Variants in CSGALNACT1 observed in about 807,000 individuals in gnomAD.
CSGALNACT1 encodes the protein beta4GalNAcT-1.
CSGALNACT1 carries 52 observed loss-of-function variants against 51.0 expected under a neutral mutation model. The ratio of observed to expected loss-of-function variants is 1.02; its 90% confidence interval spans 0.82 to 1.29. CSGALNACT1 has a LOEUF of 1.29. Ranked by LOEUF, CSGALNACT1 falls within the 50% of genes most tolerant of loss-of-function variation. The pLI is 0.00. For missense variants in CSGALNACT1, 935 were observed against 679.2 expected (o/e 1.38, Z -4.19); for synonymous variants, 341 against 254.4 (o/e 1.34, Z -3.24).
At chr8:19,405,703 T>G in exon 10 of CSGALNACT1, 1 of 1,577,250 alleles carries the variant, frequency 6.3e-7, no homozygotes, top group East Asian at 2.2e-5. Context: ...TTTATGGAAG[T>G]CTTTTCTCTG....
At chr8:19,456,141 A>C (rs1229652438) in intron 5 of CSGALNACT1, among the ~76,000 whole-genome samples, 2 of 152,206 alleles carry the variant, frequency 1.3e-5, no homozygotes, top group Non-Finnish European at 2.9e-5. Flanking sequence ...TTCTCAATGA[A>C]ACTTCCCTTC....
At chr8:19,513,436 C>CTCTCTCTCTCTCTATATATATATA in intron 3 of CSGALNACT1, among the ~76,000 whole-genome samples, 39 of 81,924 alleles carry the variant, frequency 4.8e-4, no homozygotes, top group African/African-American at 5.8e-4. Context: ...CTCTCTCTCT[C>CTCTCTCTCTCTCTATATATATATA]TATATATATA....
chr8:19,647,416 C>CA (rs1015208930), intron 1 of CSGALNACT1, among the ~76,000 whole-genome samples: 1 of 152,052 alleles, frequency 6.6e-6, no homozygotes, highest in Non-Finnish European at 1.5e-5. Flanking sequence ...GATCCTCTCT[C>CA]AAAAAATATT....
intron 3 of CSGALNACT1, among the ~76,000 whole-genome samples, chr8:19,584,270 C>G (rs144355474): frequency 7.2e-5 from 11 of 152,166 alleles, no homozygotes; most frequent in Non-Finnish European, 1.6e-4. Flanking sequence ...GCTTAGAATC[C>G]TGTGGTCCCA....
intron 6 of CSGALNACT1, among the ~76,000 whole-genome samples, chr8:19,438,062 A>T (rs1192892757): frequency 6.6e-6 from 1 of 152,196 alleles, no homozygotes; most frequent in Non-Finnish European, 1.5e-5. Flanking sequence ...GGTTACGTGT[A>T]ACCGTCAGCA....
intron 3 of CSGALNACT1, among the ~76,000 whole-genome samples, chr8:19,542,245 T>C (rs1254391086): frequency 7.9e-6 from 1 of 126,414 alleles, no homozygotes; most frequent in Non-Finnish European, 1.6e-5. Context: ...ACAGGGTTAT[T>C]ATTCACTGAA....
chr8:19,404,840 T>C, exon 10 of CSGALNACT1: 1 of 454,530 alleles, frequency 2.2e-6, no homozygotes, highest in Non-Finnish European at 4.4e-6. Context: ...AAAGTGTCAT[T>C]TTCTTTTCCT....
chr8:19,558,873 A>AT (rs1196095955), intron 3 of CSGALNACT1, among the ~76,000 whole-genome samples: 3 of 152,146 alleles, frequency 2.0e-5, no homozygotes, highest in East Asian at 3.8e-4. Context: ...GCAAAGAGGT[A>AT]TTTTTTCCAT....
chr8:19,407,187 A>ATTT (rs34176912), intron 9 of CSGALNACT1, among the ~76,000 whole-genome samples: 6 of 150,522 alleles, frequency 4.0e-5, no homozygotes, highest in African/African-American at 7.3e-5. Flanking sequence ...TGACTTCAAC[A>ATTT]TTTTTTTTTT....
chr8:19,590,651 T>A (rs2047612391), intron 3 of CSGALNACT1, among the ~76,000 whole-genome samples: 1 of 137,274 alleles, frequency 7.3e-6, no homozygotes, highest in South Asian at 2.3e-4. Flanking sequence ...TTTTTTTTTT[T>A]TTTTTTTTTT....
At chr8:19,658,750 C>T (rs57802526) in intron 1 of CSGALNACT1, among the ~76,000 whole-genome samples, 3 of 151,780 alleles carry the variant, frequency 2.0e-5, no homozygotes, top group Non-Finnish European at 4.4e-5. Flanking sequence ...ACAACAACAA[C>T]AAAAAACACC....
At chr8:19,438,906 G>A (rs1586022757) in intron 6 of CSGALNACT1, among the ~76,000 whole-genome samples, 3 of 152,114 alleles carry the variant, frequency 2.0e-5, no homozygotes, top group East Asian at 1.9e-4. Context: ...CTTACCCTTC[G>A]ACTATCATCC....
chr8:19,748,890 G>A (rs975998098), intron 1 of CSGALNACT1, among the ~76,000 whole-genome samples: 13 of 151,792 alleles, frequency 8.6e-5, no homozygotes, highest in African/African-American at 1.9e-4. Context: ...GCTTGAACCC[G>A]GGAGGCAGAG....
At chr8:19,565,710 G>C (rs940800539) in intron 3 of CSGALNACT1, among the ~76,000 whole-genome samples, 1 of 152,338 alleles carries the variant, frequency 6.6e-6, no homozygotes, top group African/African-American at 2.4e-5. Context: ...TCTGAGGTCA[G>C]GTGTTCAAGA....
intron 1 of CSGALNACT1, among the ~76,000 whole-genome samples, chr8:19,746,449 G>T (rs1157105124): frequency 6.6e-6 from 1 of 152,152 alleles, no homozygotes; most frequent in Non-Finnish European, 1.5e-5. Flanking sequence ...TGAAAATAAG[G>T]AACCTGGGTT....
intron 4 of CSGALNACT1, chr8:19,495,279 T>C (rs2075253569): frequency 6.6e-6 from 1 of 152,204 alleles, no homozygotes; most frequent in South Asian, 2.1e-4. Context: ...TGCCAGGAAA[T>C]ACAGGGAGGC....
intron 2 of CSGALNACT1, among the ~76,000 whole-genome samples, chr8:19,599,800 A>C (rs756909399): frequency 6.6e-6 from 1 of 152,228 alleles, no homozygotes; most frequent in Admixed American, 6.5e-5. Context: ...AACATCCTTC[A>C]GCAGCAGAAC....
At chr8:19,556,880 T>C (rs2154091444) in intron 3 of CSGALNACT1, among the ~76,000 whole-genome samples, 1 of 151,916 alleles carries the variant, frequency 6.6e-6, no homozygotes, top group East Asian at 1.9e-4. Flanking sequence ...GGTGTAGACA[T>C]TTAAAGTAAA....
chr8:19,641,772 A>C (rs1443064663), intron 1 of CSGALNACT1: 1 of 152,194 alleles, frequency 6.6e-6, no homozygotes, highest in Non-Finnish European at 1.5e-5. Flanking sequence ...AAGCAAAGTG[A>C]TGGCTCATAA....
Sources: gnomAD v4.1 joint callset for allele counts (sites outside exome capture counted in the v4.1 genomes callset) on GRCh38, gnomAD v4.1.1 for gene constraint, MANE v1.5 for transcripts, NCBI Gene and HGNC (gene_info 2026-07-23, HGNC 2026-07-21) for gene names.